The following ZNF407 variants were observed in gnomAD, a reference collection of about 807,000 sequenced individuals.
ZNF407 encodes zinc finger protein 407.
In ZNF407, 17 loss-of-function variants were observed where a neutral mutation model predicts 131.2. The ratio of observed to expected loss-of-function variants is 0.13; its 90% CI spans 0.09 to 0.19. The LOEUF (loss-of-function observed/expected upper bound fraction) is 0.19. Among genes scored for constraint, ZNF407 ranks in the 10% least tolerant of loss-of-function variants. The pLI is 1.00. For missense variants in ZNF407, 2,681 were observed against 2,830.6 expected (o/e 0.95, Z 1.20); for synonymous variants, 1,156 against 1,062.0 (o/e 1.09, Z -1.72).
chr18:75,052,381 C>T (rs57805269), intron 8 of ZNF407, among the ~76,000 whole-genome samples: 2,691 of 152,038 alleles, frequency 0.018, 65 homozygotes, highest in African/African-American at 0.062. Context: ...TTTTGAACCA[C>T]AGCAAAAAAA....
At chr18:74,974,745 A>T (rs557260160) in intron 8 of ZNF407, among the ~76,000 whole-genome samples, 1 of 152,286 alleles carries the variant, frequency 6.6e-6, no homozygotes, top group South Asian at 2.1e-4. Context: ...TCATGCAATG[A>T]AAGTTGTGCA....
chr18:74,641,878 T>C (rs1416429777), intron 3 of ZNF407, among the ~76,000 whole-genome samples: 1 of 152,208 alleles, frequency 6.6e-6, no homozygotes, highest in African/African-American at 2.4e-5. Context: ...AAAGTCTATT[T>C]TAATGCTGTT....
intron 8 of ZNF407, among the ~76,000 whole-genome samples, chr18:74,924,379 G>A (rs1971885616): frequency 2.0e-5 from 3 of 151,304 alleles, no homozygotes; most frequent in Admixed American, 2.0e-4. Flanking sequence ...GCTTCATTTA[G>A]GCCCAATCTA....
At chr18:74,804,766 A>G (rs985471665) in intron 4 of ZNF407, 80 of 301,998 alleles carry the variant, frequency 2.6e-4, no homozygotes, top group Non-Finnish European at 3.6e-4. Context: ...ATTACTTAGG[A>G]AAAAATTTCT....
chr18:74,896,050 A>G (rs944283020), intron 7 of ZNF407, among the ~76,000 whole-genome samples: 15 of 152,200 alleles, frequency 9.9e-5, no homozygotes, highest in Non-Finnish European at 5.9e-5. Context: ...GTGAAATTAT[A>G]TATACCAAAA....
intron 8 of ZNF407, among the ~76,000 whole-genome samples, chr18:74,942,754 C>T (rs1972114086): frequency 6.6e-6 from 1 of 152,106 alleles, no homozygotes. Context: ...ACCCACAAAG[C>T]CTCAGTGGGG....
intron 3 of ZNF407, among the ~76,000 whole-genome samples, chr18:74,708,859 A>T (rs1967690428): frequency 6.6e-6 from 1 of 152,226 alleles, no homozygotes. Flanking sequence ...AGATGTACAC[A>T]CTACATGAAC....
At chr18:74,612,513 G>T (rs1166489725) in intron 1 of ZNF407, among the ~76,000 whole-genome samples, 1 of 152,126 alleles carries the variant, frequency 6.6e-6, no homozygotes, top group Non-Finnish European at 1.5e-5. Context: ...GAGATGGAGA[G>T]ACAGGTTCTT....
rs1030322085 is a variant in ZNF407 at position 74,842,802 on chromosome 18, C to A, written c.4878-34395C>A. Among the ~76,000 whole-genome samples, 3 of 152,244 alleles carry A rather than the reference C, an allele frequency of 2.0e-5. No homozygotes were observed. The South Asian group carries it at 6.2e-4, about 32-fold the overall frequency. ...GCAGTGTTGGAATCTCGGCTCATTG[C>A]AACTTCTGCCTCCTGGGTTCAAGTG... On this transcript the variant is annotated intron_variant, in intron 4 of 8. Transcript: ENST00000299687.
At chr18:74,603,226 A>T (rs1982659294) in intron 1 of ZNF407, among the ~76,000 whole-genome samples, 1 of 152,198 alleles carries the variant, frequency 6.6e-6, no homozygotes. Context: ...ATGAGAGTTG[A>T]TGATAAGGAA....
intron 4 of ZNF407, among the ~76,000 whole-genome samples, chr18:74,818,179 A>G (rs1366203702): frequency 6.6e-6 from 1 of 152,160 alleles, no homozygotes; most frequent in Non-Finnish European, 1.5e-5. Flanking sequence ...GCCTGTGCCC[A>G]TGTCTCCCTT....
At chr18:74,623,195 TG>T in intron 1 of ZNF407, among the ~76,000 whole-genome samples, 1 of 151,866 alleles carries the variant, frequency 6.6e-6, no homozygotes, top group East Asian at 1.9e-4. Context: ...CGTGTGTGTC[TG>T]TATGTCTGTG....
At chr18:74,643,262 A>G (rs902411773) in intron 3 of ZNF407, among the ~76,000 whole-genome samples, 2 of 152,280 alleles carry the variant, frequency 1.3e-5, no homozygotes, top group South Asian at 2.1e-4. Flanking sequence ...AGAAATGCTC[A>G]GTGGACCTAT....
intron 8 of ZNF407, among the ~76,000 whole-genome samples, chr18:74,988,145 A>G (rs1972675012): frequency 6.6e-6 from 1 of 152,258 alleles, no homozygotes; most frequent in East Asian, 1.9e-4. Context: ...TTGATTTTCA[A>G]CAAGATGCCA....
chr18:74,634,513 G>T lies in ZNF407; in HGVS notation c.3494G>T (p.Cys1165Phe), dbSNP rs1030275382. 6 of 1,613,714 alleles carry T rather than the reference G, an allele frequency of 3.7e-6. No individual in the cohort carries two copies. The highest frequency in any genetic ancestry group is 3.3e-5 in the Admixed American group (2 of 60,000). ...ESNFNEDHSF[C>F]ETFQQAPVKD... ...AATTTCAATGAAGACCATTCCTTTT[G>T]TGAGACTTTCCAACAGGCTCCTGTC... Residue 1165 changes from cysteine (C) to phenylalanine (F), a missense_variant, in exon 2 of 9, where the codon TGT becomes TTT. Cys to Phe is a radical substitution (Grantham distance 205). Around this residue, in one of 6 missense-constraint regions of ZNF407, gnomAD observed 1,789 missense variants for 1,748.7 expected, o/e 1.02. Coordinates refer to ENST00000299687, the MANE Select transcript of ZNF407 (RefSeq NM_017757.3).
chr18:74,856,133 TATC>T (rs1270746270), intron 4 of ZNF407, among the ~76,000 whole-genome samples: 4 of 152,374 alleles, frequency 2.6e-5, no homozygotes, highest in African/African-American at 9.6e-5. Context: ...TATTACAAAT[TATC>T]ATAAATATTG....
At chr18:74,626,520 A>G (rs1983793288) in intron 1 of ZNF407, among the ~76,000 whole-genome samples, 1 of 152,194 alleles carries the variant, frequency 6.6e-6, no homozygotes, top group Non-Finnish European at 1.5e-5. Context: ...GCAGAATATT[A>G]TCTCAGTGCA....
intron 8 of ZNF407, among the ~76,000 whole-genome samples, chr18:74,946,530 A>G (rs541275457): frequency 6.6e-6 from 1 of 152,236 alleles, no homozygotes; most frequent in East Asian, 1.9e-4. Context: ...TTTTGACCAC[A>G]CTTTACAGTG....
intron 3 of ZNF407, among the ~76,000 whole-genome samples, chr18:74,752,079 A>G (rs1353194455): frequency 6.6e-6 from 1 of 152,122 alleles, no homozygotes; most frequent in Non-Finnish European, 1.5e-5. Flanking sequence ...CTGGTGTGAG[A>G]TGGTATCTCA....
Sources: gnomAD v4.1 joint callset for allele counts (sites outside exome capture counted in the v4.1 genomes callset) on GRCh38, gnomAD v4.1.1 for gene constraint, gnomAD v4.1.1 regional missense constraint, MANE v1.5 for transcripts, NCBI Gene and HGNC (gene_info 2026-07-23, HGNC 2026-07-21) for gene names.